Variants in ZSCAN5A observed in about 807,000 individuals in gnomAD.
The protein encoded by ZSCAN5A is zinc finger and SCAN domain containing 5A.
ZSCAN5A carries 12 observed loss-of-function variants against 23.7 expected under a neutral mutation model. That is an observed-to-expected ratio of 0.51 (90% confidence interval 0.32 to 0.82). The LOEUF (loss-of-function observed/expected upper bound fraction) is 0.82, where lower values mean the gene tolerates loss of function less well. Ranked by LOEUF, ZSCAN5A falls within the 40% of genes least tolerant of loss-of-function variation. The pLI, the probability that ZSCAN5A is intolerant of heterozygous loss-of-function variation, is 0.03. For synonymous variants in ZSCAN5A, 257 were observed against 239.9 expected (o/e 1.07, Z -0.66); for missense variants, 597 against 617.9 (o/e 0.97, Z 0.36).
intron 2 of ZSCAN5A, among the ~76,000 whole-genome samples, chr19:56,246,116 A>AG (rs1163252364): frequency 6.6e-6 from 1 of 152,122 alleles, no homozygotes; most frequent in East Asian, 1.9e-4. Flanking sequence ...TAGAATATGG[A>AG]GGGTGCAGAT....
At chr19:56,263,767 A>G (rs968171599) in intron 2 of ZSCAN5A, 4 of 152,178 alleles carry the variant, frequency 2.6e-5, no homozygotes, top group African/African-American at 9.7e-5. Context: ...TTAAAGAAGT[A>G]TAGATTTCAT....
intron 2 of ZSCAN5A, among the ~76,000 whole-genome samples, chr19:56,251,148 TAA>T (rs34825803): frequency 7.6e-4 from 99 of 130,932 alleles, no homozygotes; most frequent in Admixed American, 1.3e-3. Context: ...AGACTCCGTG[TAA>T]AAAAAAAAAA....
intron 2 of ZSCAN5A, among the ~76,000 whole-genome samples, chr19:56,328,564 C>T (rs1389017379): frequency 1.3e-5 from 2 of 151,542 alleles, no homozygotes; most frequent in Non-Finnish European, 2.9e-5. Flanking sequence ...ATCACTTGAA[C>T]CGAGGATTGC....
chr19:56,296,322 CCT>C (rs1318620460), intron 2 of ZSCAN5A: 2 of 152,126 alleles, frequency 1.3e-5, no homozygotes, highest in African/African-American at 2.4e-5. Flanking sequence ...GTTGTATGCC[CCT>C]GTCCTCCTTA....
chr19:56,237,870 T>C (rs1036912457), intron 2 of ZSCAN5A, among the ~76,000 whole-genome samples: 7 of 146,212 alleles, frequency 4.8e-5, no homozygotes, highest in Non-Finnish European at 7.5e-5. Flanking sequence ...TGACCTGAGA[T>C]TGTGCCACTG....
chr19:56,273,965 T>C (rs942038909), intron 2 of ZSCAN5A, among the ~76,000 whole-genome samples: 1 of 152,092 alleles, frequency 6.6e-6, no homozygotes, highest in Non-Finnish European at 1.5e-5. Flanking sequence ...AACACACAAG[T>C]TAGAAAACGT....
chr19:56,329,012 AAT>A (rs1341518770), intron 2 of ZSCAN5A, among the ~76,000 whole-genome samples: 3 of 150,710 alleles, frequency 2.0e-5, no homozygotes, highest in African/African-American at 7.3e-5. Context: ...AAAAAAAATA[AAT>A]AAATAAATAA....
intron 2 of ZSCAN5A, among the ~76,000 whole-genome samples, chr19:56,258,297 C>T (rs2036861790): frequency 6.6e-6 from 1 of 152,220 alleles, no homozygotes; most frequent in Non-Finnish European, 1.5e-5. Flanking sequence ...ATACTGAGCA[C>T]TGACTACGTA....
chr19:56,336,822 G>A (rs1333830817), intron 2 of ZSCAN5A, among the ~76,000 whole-genome samples: 4 of 152,228 alleles, frequency 2.6e-5, no homozygotes, highest in African/African-American at 9.6e-5. Context: ...CTCAGCTGCA[G>A]GTCTGTGGAG....
chr19:56,349,244 G>A (rs2041652311), intron 2 of ZSCAN5A, among the ~76,000 whole-genome samples: 2 of 152,094 alleles, frequency 1.3e-5, no homozygotes, highest in Non-Finnish European at 2.9e-5. Flanking sequence ...CCTAAGCCAA[G>A]CTAGGAAGGG....
intron 1 of ZSCAN5A, chr19:56,367,956 C>T (rs540389485): frequency 6.6e-6 from 1 of 152,472 alleles, no homozygotes; most frequent in South Asian, 2.1e-4. Flanking sequence ...ATGTCCACGC[C>T]AATGTATTAT....
At chr19:56,358,498 T>G (rs2041712043) in intron 2 of ZSCAN5A, among the ~76,000 whole-genome samples, 1 of 124,800 alleles carries the variant, frequency 8.0e-6, no homozygotes, top group Non-Finnish European at 1.7e-5. Flanking sequence ...AATACCTCAC[T>G]GCCAATATTA....
chr19:56,244,369 G>A, intron 2 of ZSCAN5A: 4 of 1,578,202 alleles, frequency 2.5e-6, no homozygotes, highest in Non-Finnish European at 3.4e-6. Context: ...TGAACGGTGT[G>A]CAGAGCTGCA....
At chr19:56,292,259 A>G (rs2039559331) in intron 2 of ZSCAN5A, among the ~76,000 whole-genome samples, 1 of 152,190 alleles carries the variant, frequency 6.6e-6, no homozygotes, top group South Asian at 2.1e-4. Context: ...AGTAAAATAT[A>G]CAAAACATGA....
chr19:56,271,436 A>G (rs2037840258), intron 2 of ZSCAN5A, among the ~76,000 whole-genome samples: 1 of 152,160 alleles, frequency 6.6e-6, no homozygotes, highest in Non-Finnish European at 1.5e-5. Flanking sequence ...AGCCTTCCAC[A>G]TGTTTTACGC....
At chr19:56,247,912 G>C (rs527747797) in intron 2 of ZSCAN5A, among the ~76,000 whole-genome samples, 3 of 152,082 alleles carry the variant, frequency 2.0e-5, no homozygotes, top group African/African-American at 7.2e-5. Context: ...GGATGGTCTC[G>C]ATCTCCTGAC....
chr19:56,306,348 A>G (rs2040688784), intron 2 of ZSCAN5A, among the ~76,000 whole-genome samples: 2 of 119,564 alleles, frequency 1.7e-5, no homozygotes, highest in African/African-American at 3.1e-5. Context: ...TTCCCTTGAT[A>G]GCTACAAAGA....
intron 2 of ZSCAN5A, among the ~76,000 whole-genome samples, chr19:56,293,239 G>A (rs1197042998): frequency 6.6e-6 from 1 of 152,162 alleles, no homozygotes; most frequent in Non-Finnish European, 1.5e-5. Flanking sequence ...CAGTCCCCAA[G>A]TCATCGTCCT....
At chr19:56,246,198 C>G (rs1015217505) in intron 2 of ZSCAN5A, 2 of 180,872 alleles carry the variant, frequency 1.1e-5, no homozygotes, top group Admixed American at 6.0e-5. Context: ...GAAGTCTGCA[C>G]GTATCCCTAA....
Sources: allele counts gnomAD v4.1 joint callset (sites outside exome capture counted in the v4.1 genomes callset), GRCh38; gene constraint gnomAD v4.1.1; transcripts MANE v1.5; gene names NCBI Gene and HGNC (gene_info 2026-07-23, HGNC 2026-07-21).